The following CRLF2 variants were observed in gnomAD, a reference collection of about 807,000 sequenced individuals.
CRLF2 encodes cytokine receptor-like factor 2.
CRLF2 carries 41 observed loss-of-function variants against 38.7 expected under a neutral mutation model. The observed-to-expected ratio is 1.06, with a 90% CI of 0.83 to 1.37. The LOEUF (loss-of-function observed/expected upper bound fraction) is 1.37. CRLF2 is among the 40% of genes most tolerant of loss of function. The pLI is 0.00. For synonymous variants in CRLF2, 140 were observed against 128.8 expected, an observed-to-expected ratio of 1.09 and a Z score of -0.59; for missense variants, 377 against 322.2, an observed-to-expected ratio of 1.17 and a Z score of -1.30.
chrX:1,197,537 C>T (rs182057457), intron 5 of CRLF2, among the ~76,000 whole-genome samples: 9 of 152,104 alleles, frequency 5.9e-5, no homozygotes, highest in South Asian at 4.2e-4. Flanking sequence ...CGTCAAAGGC[C>T]GGGCGCGGTG....
intron 3 of CRLF2, 35 bp from the exon 4 acceptor site, chrX:1,202,570 C>T: frequency 6.2e-7 from 1 of 1,613,466 alleles, no homozygotes; most frequent in Non-Finnish European, 8.5e-7. Context: ...GACGTCCCTC[C>T]TCTCTGAGCT....
intron 4 of CRLF2, among the ~76,000 whole-genome samples, chrX:1,199,682 A>G (rs1317009401): frequency 2.6e-5 from 4 of 152,048 alleles, no homozygotes; most frequent in Non-Finnish European, 5.9e-5. Context: ...TTATACATAT[A>G]TAGTTTATAT....
intron 6 of CRLF2, among the ~76,000 whole-genome samples, chrX:1,194,221 C>T (rs1366978593): frequency 2.0e-5 from 3 of 151,816 alleles, no homozygotes; most frequent in South Asian, 2.1e-4. Context: ...ACCTGGGAGG[C>T]GGAGACTGCA....
chrX:1,196,755 C>T, intron 6 of CRLF2, 25 bp downstream of exon 6: 1 of 1,611,050 alleles, frequency 6.2e-7, no homozygotes, highest in Middle Eastern at 1.7e-4. Context: ...TCCCTCCACC[C>T]ACGGGCGGCA....
intron 1 of CRLF2, among the ~76,000 whole-genome samples, chrX:1,210,076 C>G (rs1244224394): frequency 7.0e-6 from 1 of 143,798 alleles, no homozygotes; most frequent in East Asian, 2.1e-4. Flanking sequence ...TGCACTCCAG[C>G]CTGGGTGACA....
intron 3 of CRLF2, among the ~76,000 whole-genome samples, chrX:1,204,899 A>G (rs1603398475): frequency 6.6e-6 from 1 of 151,982 alleles, no homozygotes; most frequent in Admixed American, 6.6e-5. Flanking sequence ...GGCTCACTGC[A>G]GCCTCTGCCT....
chrX:1,207,901 C>T (rs2086721326), intron 2 of CRLF2, among the ~76,000 whole-genome samples: 1 of 152,162 alleles, frequency 6.6e-6, no homozygotes, highest in Non-Finnish European at 1.5e-5. Flanking sequence ...CCACCCACCT[C>T]GGTCTCCCAA....
At chrX:1,210,545 T>C (rs1430195608) in intron 1 of CRLF2, among the ~76,000 whole-genome samples, 1 of 151,900 alleles carries the variant, frequency 6.6e-6, no homozygotes, top group Non-Finnish European at 1.5e-5. Flanking sequence ...CTCCTGACCT[T>C]GTGATCCGCC....
At chrX:1,194,204 C>T (rs1203154236) in intron 6 of CRLF2, among the ~76,000 whole-genome samples, 1 of 151,952 alleles carries the variant, frequency 6.6e-6, no homozygotes, top group Non-Finnish European at 1.5e-5. Context: ...GCAGGAGAAT[C>T]ACTTGAACCT....
At chrX:1,202,136 AGATT>A (rs1394228395) in intron 4 of CRLF2, among the ~76,000 whole-genome samples, 2 of 152,100 alleles carry the variant, frequency 1.3e-5, no homozygotes, top group African/African-American at 4.8e-5. Context: ...TGATATAGAT[AGATT>A]GATAGATAGA....
intron 5 of CRLF2, among the ~76,000 whole-genome samples, chrX:1,198,160 GC>G (rs2086526509): frequency 7.5e-6 from 1 of 133,740 alleles, no homozygotes; most frequent in African/African-American, 3.0e-5. Flanking sequence ...CACCTCGAAG[GC>G]AGGACACCCT....
chrX:1,193,053 GC>G (rs1290449396), intron 7 of CRLF2, among the ~76,000 whole-genome samples, 164 bp downstream of exon 7: 7 of 151,538 alleles, frequency 4.6e-5, no homozygotes, highest in South Asian at 2.1e-4. Context: ...CCTGAAGTGA[GC>G]CTCCCACCTC....
intron 3 of CRLF2, 24 bp from the exon 4 acceptor site, chrX:1,202,559 C>T (rs763619788): frequency 7.4e-6 from 12 of 1,613,556 alleles, no homozygotes; most frequent in Middle Eastern, 1.7e-4. Flanking sequence ...ATAACGGAAG[C>T]GACGTCCCTC....
At chrX:1,191,803 C>T (rs1248948496) in intron 7 of CRLF2, among the ~76,000 whole-genome samples, 94,457 of 151,076 alleles carry the variant, frequency 0.63, 29,557 homozygotes, top group South Asian at 0.68. Context: ...AGTGCTGGGA[C>T]CAAAGGTGCG....
At chrX:1,198,786 G>C (rs2086549020) in intron 4 of CRLF2, 62 bp from the exon 5 acceptor site, 2 of 990,132 alleles carry the variant, frequency 2.0e-6, no homozygotes, top group Non-Finnish European at 2.8e-6. Flanking sequence ...CACACACAAT[G>C]ATTAGTGATG....
At chrX:1,197,738 C>T (rs186105259) in intron 5 of CRLF2, among the ~76,000 whole-genome samples, 19 of 151,634 alleles carry the variant, frequency 1.3e-4, no homozygotes, top group Middle Eastern at 3.4e-3. Flanking sequence ...CACTTGAACT[C>T]GGGAGGCGGA....
At position 1,206,142 on chromosome X, in the gene CRLF2, G is replaced by C. The variant is rs1252809666; in HGVS notation, c.349+291C>G. ...GGTAATCATGGATCCGACGATTTAC[G>C]TGAGCTTTTCAGTACTTACGGTAAT... On this transcript the variant is annotated intron_variant, in intron 3 of 7. Transcript: ENST00000400841. Among the ~76,000 whole-genome samples the C allele has an allele frequency of 1.3e-5, 2 of 151,820 alleles. No homozygotes were observed. The highest frequency in any genetic ancestry group is 2.9e-5 in the Non-Finnish European group (2 of 67,920).
At chrX:1,192,840 G>GTC (rs2086417587) in intron 7 of CRLF2, among the ~76,000 whole-genome samples, 1 of 133,454 alleles carries the variant, frequency 7.5e-6, no homozygotes, top group Non-Finnish European at 1.5e-5. Flanking sequence ...TCTTGACAGA[G>GTC]TCTCACTCTG....
intron 2 of CRLF2, among the ~76,000 whole-genome samples, chrX:1,207,116 T>C (rs1481167414): frequency 1.3e-5 from 2 of 150,400 alleles, no homozygotes; most frequent in Admixed American, 1.3e-4. Context: ...CAGCTAATTT[T>C]TGTGTTTTTA....
Sources: allele counts gnomAD v4.1 joint callset (sites outside exome capture counted in the v4.1 genomes callset), GRCh38; gene constraint gnomAD v4.1.1; transcripts MANE v1.5; gene names NCBI Gene and HGNC (gene_info 2026-07-23, HGNC 2026-07-21).